The following LAMC3 variants were observed in gnomAD, a reference collection of about 807,000 sequenced individuals.
The protein encoded by LAMC3 is laminin subunit gamma-3.
Under a neutral mutation model 173.8 loss-of-function variants are expected in LAMC3, and 128 were observed. The ratio of observed to expected loss-of-function variants is 0.74; its 90% CI spans 0.64 to 0.85. The LOEUF (loss-of-function observed/expected upper bound fraction) is 0.85, where lower values mean the gene tolerates loss of function less well. Among genes scored for constraint, LAMC3 ranks in the 40% least tolerant of loss-of-function variants. LAMC3 has a pLI of 0.00. For synonymous variants in LAMC3, 897 were observed against 909.1 expected (o/e 0.99, Z 0.24); for missense variants, 2,022 against 2,156.0 (o/e 0.94, Z 1.23).
At chr9:131,020,964 T>A (rs1833613530) in intron 1 of LAMC3, among the ~76,000 whole-genome samples, 1 of 152,214 alleles carries the variant, frequency 6.6e-6, no homozygotes, top group Non-Finnish European at 1.5e-5. Context: ...ATGTTTTTTT[T>A]TCTCCCCAGA....
rs2133280901 is a variant in LAMC3 at position 131,052,503 on chromosome 9, G to A, written c.1643G>A (p.Gly548Glu). ...CTCTTGTCTTCAGAGAAGTTCCTGG[G>A]AGACCAGCGGTTCAGCTATGGGCAG... ...EELTAPEKFL[G>E]DQRFSYGQPL... The change falls in exon 10 of 28, where the codon GGA (glycine) becomes GAA (glutamate). Residue 548 changes from glycine (G) to glutamate (E), a missense_variant. Gly to Glu is a moderately conservative substitution (Grantham distance 98). Coordinates refer to ENST00000361069, the MANE Select transcript of LAMC3 (RefSeq NM_006059.4). 7.4e-6 allele frequency: 12 copies of A among 1,614,126 alleles called. No homozygotes were observed. Among genetic ancestry groups the A allele is most frequent in the Non-Finnish European group, 1.0e-5 (12 of 1,179,960 alleles).
chr9:131,047,687 AC>A (rs1249288788), intron 8 of LAMC3, among the ~76,000 whole-genome samples: 2 of 149,200 alleles, frequency 1.3e-5, no homozygotes, highest in Non-Finnish European at 3.0e-5. Flanking sequence ...ACATGACGAA[AC>A]CCCGTCTCTG....
intron 12 of LAMC3, among the ~76,000 whole-genome samples, chr9:131,060,753 T>C (rs1188842721): frequency 1.3e-5 from 2 of 152,108 alleles, no homozygotes; most frequent in Non-Finnish European, 2.9e-5. Context: ...CGAGAACCCT[T>C]TGAAGTCAGT....
At chr9:131,067,854 CTG>C in intron 14 of LAMC3, among the ~76,000 whole-genome samples, 1 of 152,310 alleles carries the variant, frequency 6.6e-6, no homozygotes. Context: ...GAAGGATTGT[CTG>C]TTACCATGAC....
At chr9:131,023,241 A>G (rs966535962) in intron 1 of LAMC3, among the ~76,000 whole-genome samples, 1 of 152,184 alleles carries the variant, frequency 6.6e-6, no homozygotes, top group East Asian at 1.9e-4. Context: ...GAACATCCAT[A>G]TGTACGTTTT....
In LAMC3 at chr9:131,075,892, A is replaced by G. The variant is rs1235391728; in HGVS notation, c.3556A>G (p.Thr1186Ala). ...TAWRALLASNTSYALLWNLLE... is the reference protein window; with the variant it reads ...TAWRALLASNASYALLWNLLE... Reference sequence around the variant, plus strand: ...TTGGAGGGCCCTGCTCGCCTCCAACACCAGCTACGCGCTTCTCTGGAATCT... The same window carrying G: ...TTGGAGGGCCCTGCTCGCCTCCAACGCCAGCTACGCGCTTCTCTGGAATCT... The change falls in exon 21 of 28, where the codon ACC becomes GCC. Residue 1186 changes from threonine to alanine, a missense_variant. Transcript: ENST00000361069. 4 of 1,612,658 alleles carry G rather than the reference A, an allele frequency of 2.5e-6. No individual in the cohort carries two copies. The East Asian group carries it at 8.9e-5, about 36-fold the overall frequency.
At chr9:131,031,413 C>T (rs1440981983) in intron 2 of LAMC3, among the ~76,000 whole-genome samples, 1 of 152,194 alleles carries the variant, frequency 6.6e-6, no homozygotes, top group Non-Finnish European at 1.5e-5. Context: ...GCCAGGGAAA[C>T]AGTGAGAACA....
intron 1 of LAMC3, among the ~76,000 whole-genome samples, chr9:131,022,681 C>T (rs557411516): frequency 6.6e-6 from 1 of 152,140 alleles, no homozygotes; most frequent in African/African-American, 2.4e-5. Context: ...CCACCTCAGC[C>T]TCTCAGGTAG....
At chr9:131,059,698 A>G (rs1829770693) in intron 12 of LAMC3, among the ~76,000 whole-genome samples, 1 of 152,072 alleles carries the variant, frequency 6.6e-6, no homozygotes, top group Non-Finnish European at 1.5e-5. Flanking sequence ...GGGTCCTCCC[A>G]TGACTGGGAT....
At chr9:131,089,748 T>C (rs1830391969) in intron 27 of LAMC3, among the ~76,000 whole-genome samples, 1 of 152,130 alleles carries the variant, frequency 6.6e-6, no homozygotes, top group Non-Finnish European at 1.5e-5. Flanking sequence ...GATTCACCCA[T>C]GTGGCAGCAA....
chr9:131,024,340 T>G (rs1426026391), intron 1 of LAMC3, among the ~76,000 whole-genome samples: 1 of 152,076 alleles, frequency 6.6e-6, no homozygotes, highest in Non-Finnish European at 1.5e-5. Flanking sequence ...GAGACAGGGA[T>G]TCACCATGTT....
intron 1 of LAMC3, among the ~76,000 whole-genome samples, chr9:131,011,355 G>A (rs1260137197): frequency 6.6e-6 from 1 of 152,220 alleles, no homozygotes; most frequent in Non-Finnish European, 1.5e-5. Context: ...GCACAGAGCT[G>A]CTAAGTGAGC....
intron 2 of LAMC3, among the ~76,000 whole-genome samples, chr9:131,027,513 G>A (rs1014418215): frequency 6.6e-6 from 1 of 152,160 alleles, no homozygotes; most frequent in Admixed American, 6.5e-5. Flanking sequence ...GACGGAAAGC[G>A]CCTCTAGCTG....
intron 7 of LAMC3, among the ~76,000 whole-genome samples, chr9:131,045,221 CAA>C (rs58637956): frequency 2.4e-4 from 27 of 111,992 alleles, no homozygotes; most frequent in African/African-American, 6.9e-4. Flanking sequence ...GACTCTGTCT[CAA>C]AAAAAAAAAA....
Position 131,093,715 on chromosome 9 carries a change from C to T in LAMC3, c.*1928C>T, listed in dbSNP as rs11244280. ...ATAGCCTAGGGAGGGGAGCCTGAGG[C>T]TTCCGGGATAGGTTGGCTTCCCTCT... On this transcript the variant is annotated 3_prime_UTR_variant, in exon 28 of 28. Coordinates refer to ENST00000361069, the MANE Select transcript of LAMC3 (RefSeq NM_006059.4). 0.21 allele frequency: 31,689 copies of T among 152,204 alleles called. 4,040 individuals are homozygous for T. Among genetic ancestry groups the T allele is most frequent in the Admixed American group, 0.28 (4,223 of 15,284 alleles). 9.4% of individuals were successfully genotyped at this position (152,204 alleles called of 1,614,324 possible).
At position 131,045,383 on chromosome 9, in the gene LAMC3, C is replaced by G. The variant is rs927799191; in HGVS notation, c.1383-141C>G. 4 of 887,870 alleles carry G rather than the reference C, an allele frequency of 4.5e-6. No individual in the cohort carries two copies. In the South Asian group the frequency reaches 4.7e-5, roughly 10 times the overall value. The allele number at this position is 887,870 out of a possible 1,614,324, so 55.0% of individuals were successfully genotyped here. A position where few individuals can be genotyped will look rare whatever the true frequency, so the allele number is the denominator to read the frequency against. On this transcript the variant is annotated intron_variant, in intron 7 of 27. Coordinates refer to ENST00000361069, the MANE Select transcript of LAMC3 (RefSeq NM_006059.4). ...AACAATCTGTAATGTTCTTACTACTCTTCTAGAATTCTGAAAAAAAATTGT... is the reference window on the plus strand; with the variant it reads ...AACAATCTGTAATGTTCTTACTACTGTTCTAGAATTCTGAAAAAAAATTGT...
At chr9:131,023,013 G>A (rs567124565) in intron 1 of LAMC3, among the ~76,000 whole-genome samples, 58 of 152,206 alleles carry the variant, frequency 3.8e-4, no homozygotes, top group African/African-American at 1.2e-3. Context: ...GGACATTTAC[G>A]TGGAATCCCA....
intron 3 of LAMC3, among the ~76,000 whole-genome samples, chr9:131,034,148 G>A (rs1000497365): frequency 1.3e-5 from 2 of 152,214 alleles, no homozygotes; most frequent in Non-Finnish European, 2.9e-5. Flanking sequence ...GGGGCAGGCT[G>A]CTCATGGCAG....
chr9:131,068,487 C>T lies in LAMC3; in HGVS notation c.2747+256C>T, dbSNP rs531211539. Among the ~76,000 whole-genome samples, 3 of 152,280 alleles carry T rather than the reference C, an allele frequency of 2.0e-5. No homozygotes were observed. The East Asian group carries it at 5.8e-4, about 29-fold the overall frequency. On this transcript the variant is annotated intron_variant, in intron 15 of 27. Transcript: ENST00000361069. ...CAGGTGGCCGGTTTGGTCTCTGATTCCCTTCTCAGTGACACTCTCCCTGGG... is the reference window on the plus strand; with the variant it reads ...CAGGTGGCCGGTTTGGTCTCTGATTTCCTTCTCAGTGACACTCTCCCTGGG...
Sources: allele counts gnomAD v4.1 joint callset (sites outside exome capture counted in the v4.1 genomes callset), GRCh38; gene constraint gnomAD v4.1.1; transcripts MANE v1.5; gene names NCBI Gene and HGNC (gene_info 2026-07-23, HGNC 2026-07-21).